The following DAB1 variants were observed in gnomAD, a reference collection of about 807,000 sequenced individuals.
DAB1 encodes the protein disabled homolog 1.
In DAB1, 15 loss-of-function variants were observed where a neutral mutation model predicts 64.6. That is an observed-to-expected ratio of 0.23 (90% confidence interval 0.16 to 0.36). DAB1 has a LOEUF of 0.36. DAB1 is among the 10% of genes least tolerant of loss of function. The pLI is 1.00. For synonymous variants in DAB1, 235 were observed against 251.9 expected (o/e 0.93, Z 0.64); for missense variants, 596 against 706.7 (o/e 0.84, Z 1.78).
At chr1:57,001,915 T>C (rs1287376206) in intron 14 of DAB1, among the ~76,000 whole-genome samples, 2 of 152,156 alleles carry the variant, frequency 1.3e-5, no homozygotes, top group African/African-American at 2.4e-5. Context: ...ACTCCTACTA[T>C]GGCATCTCCT....
In DAB1 at chr1:58,530,311, G is replaced by C. The variant is rs570132921; in HGVS notation, n.33-2976C>G. On this transcript the variant is annotated intron_variant and non_coding_transcript_variant, in intron 1 of 20. Transcript: ENST00000485760. Reference sequence around the variant, plus strand: ...CTACGAAAGGAAGGGTCAGTGGCTGGGTTTTCTCTCTGTAAAACCAATAAA... The same window carrying C: ...CTACGAAAGGAAGGGTCAGTGGCTGCGTTTTCTCTCTGTAAAACCAATAAA... 1.3e-4 allele frequency among the ~76,000 whole-genome samples: 20 copies of C among 152,108 alleles called. No individual in the cohort carries two copies. In the South Asian group the frequency reaches 3.7e-3, roughly 28 times the overall value.
Position 57,279,074 on chromosome 1 carries a change from T to C in DAB1, c.67+11890A>G, listed in dbSNP as rs576079953. On this transcript the variant is annotated intron_variant, in intron 2 of 14. Transcript: ENST00000371236. ...TAGGCTGATGATATTATTCATAGAT[T>C]TGGGGAATTTGCGAAATTTCCTGGT... Among the ~76,000 whole-genome samples, 6 of 152,338 alleles carry C rather than the reference T, an allele frequency of 3.9e-5. No homozygotes were observed. In the South Asian group the frequency reaches 1.2e-3, roughly 32 times the overall value.
intron 2 of DAB1, among the ~76,000 whole-genome samples, chr1:57,266,580 T>C (rs1221780988): frequency 6.6e-6 from 1 of 152,230 alleles, no homozygotes; most frequent in African/African-American, 2.4e-5. Context: ...GTGCTTATCA[T>C]ACTGGACTAC....
intron 2 of DAB1, among the ~76,000 whole-genome samples, chr1:57,282,563 T>C (rs890045943): frequency 6.6e-6 from 1 of 152,084 alleles, no homozygotes; most frequent in Non-Finnish European, 1.5e-5. Context: ...CTGAAACAGT[T>C]TATCTTCAGT....
chr1:58,013,008 T>C (rs1249984641), intron 5 of DAB1, among the ~76,000 whole-genome samples: 1 of 152,128 alleles, frequency 6.6e-6, no homozygotes, highest in Non-Finnish European at 1.5e-5. Context: ...AATGCTCACT[T>C]TTCCTCTTCC....
intron 8 of DAB1, among the ~76,000 whole-genome samples, chr1:57,066,064 T>C (rs1650879324): frequency 6.6e-6 from 1 of 152,208 alleles, no homozygotes; most frequent in Admixed American, 6.5e-5. Context: ...ATTAATAGTG[T>C]GGAGAGGCAG....
intron 5 of DAB1, among the ~76,000 whole-genome samples, chr1:58,096,107 G>C (rs1272389359): frequency 2.0e-5 from 3 of 152,156 alleles, no homozygotes; most frequent in Non-Finnish European, 4.4e-5. Context: ...GGTTCTTCTA[G>C]TGTCAAAATA....
At chr1:58,262,978 T>C (rs967811484) in intron 4 of DAB1, among the ~76,000 whole-genome samples, 4 of 152,302 alleles carry the variant, frequency 2.6e-5, no homozygotes, top group African/African-American at 4.8e-5. Context: ...ATGATGAATA[T>C]GTAACATGAG....
Position 57,311,844 on chromosome 1 carries a change from G to A in DAB1, c.-136-20678C>T, listed in dbSNP as rs78988999. On this transcript the variant is annotated intron_variant, in intron 1 of 14. Transcript: ENST00000371236. ...TCTTTCTTGTGACCATAATACAATG[G>A]CAATAAACATGATGATGGTGATGGT... Among the ~76,000 whole-genome samples, 1,450 of 152,208 alleles carry A rather than the reference G, an allele frequency of 9.5e-3. 32 individuals carry two copies. Among genetic ancestry groups the A allele is most frequent in the African/African-American group, 0.033 (1,380 of 41,526 alleles).
At chr1:58,107,673 G>A (rs1038510919) in intron 5 of DAB1, among the ~76,000 whole-genome samples, 8 of 151,892 alleles carry the variant, frequency 5.3e-5, no homozygotes, top group Non-Finnish European at 1.2e-4. Context: ...CTGAAGTGCA[G>A]TGGTGCAATC....
At chr1:58,515,062 C>T (rs924322158) in intron 2 of DAB1, among the ~76,000 whole-genome samples, 2 of 152,172 alleles carry the variant, frequency 1.3e-5, no homozygotes, top group African/African-American at 2.4e-5. Context: ...CTACCAGAAA[C>T]TAGTTCATTT....
At chr1:57,808,162 CTCTT>C (rs937023056) in intron 6 of DAB1, among the ~76,000 whole-genome samples, 62 of 149,578 alleles carry the variant, frequency 4.1e-4, no homozygotes, top group African/African-American at 1.5e-3. Context: ...CTCTCCCTTT[CTCTT>C]TCTTTTTCTC....
intron 2 of DAB1, among the ~76,000 whole-genome samples, chr1:57,196,258 T>C (rs1019061072): frequency 3.3e-5 from 5 of 152,238 alleles, no homozygotes; most frequent in Non-Finnish European, 5.9e-5. Flanking sequence ...TTCTGGCACA[T>C]GAGCAAGTAC....
intron 4 of DAB1, among the ~76,000 whole-genome samples, chr1:58,304,216 T>C (rs1662246868): frequency 6.6e-6 from 1 of 152,192 alleles, no homozygotes; most frequent in Non-Finnish European, 1.5e-5. Context: ...AATGTAGCTT[T>C]GAAAGCCATC....
chr1:57,341,676 C>T (rs1467452674), intron 1 of DAB1, among the ~76,000 whole-genome samples: 2 of 152,090 alleles, frequency 1.3e-5, no homozygotes, highest in African/African-American at 2.4e-5. Context: ...TCAATTTAAA[C>T]TCTTTTAGAA....
intron 5 of DAB1, among the ~76,000 whole-genome samples, chr1:58,143,769 T>C (rs17491825): frequency 0.014 from 2,157 of 152,352 alleles, 22 homozygotes; most frequent in Non-Finnish European, 0.023. Flanking sequence ...GGTTTCACTT[T>C]ACTTACCTTA....
chr1:58,083,093 C>G (rs1650097549), intron 5 of DAB1, among the ~76,000 whole-genome samples: 1 of 152,122 alleles, frequency 6.6e-6, no homozygotes, highest in Non-Finnish European at 1.5e-5. Flanking sequence ...AGTGAAGGCG[C>G]AAACATTTCT....
chr1:58,236,674 C>T (rs1324281201), intron 4 of DAB1, among the ~76,000 whole-genome samples: 1 of 152,164 alleles, frequency 6.6e-6, no homozygotes. Flanking sequence ...ACAACAACTT[C>T]AGCAGCAGGA....
chr1:57,010,608 A>G lies in DAB1; in HGVS notation c.*15+72T>C, dbSNP rs988354986. 16 of 770,000 alleles carry G rather than the reference A, an allele frequency of 2.1e-5. No homozygotes were observed. The Admixed American group carries it at 2.7e-4, about 13-fold the overall frequency. 47.7% of individuals were successfully genotyped at this position (770,000 alleles called of 1,614,324 possible). A position where few individuals can be genotyped will look rare whatever the true frequency, so the allele number is the denominator to read the frequency against. ...GTGCAAACATTGAGGATGTGGCTTC[A>G]GAAGTGAAGAACAACCAAAAGGGAA... On this transcript the variant is annotated intron_variant, in intron 14 of 14. Transcript: ENST00000371236.
Sources: gnomAD v4.1 joint callset for allele counts (sites outside exome capture counted in the v4.1 genomes callset) on GRCh38, gnomAD v4.1.1 for gene constraint, MANE v1.5 for transcripts, NCBI Gene and HGNC (gene_info 2026-07-23, HGNC 2026-07-21) for gene names.